Variants in RAB11FIP3 observed in about 807,000 individuals in gnomAD.
RAB11FIP3 encodes RAB11 family interacting protein 3.
RAB11FIP3 carries 17 observed loss-of-function variants against 77.8 expected under a neutral mutation model. That is an observed-to-expected ratio of 0.22 (90% CI 0.15 to 0.33). The LOEUF (loss-of-function observed/expected upper bound fraction) is 0.33, where lower values mean the gene tolerates loss of function less well. Ranked by LOEUF, RAB11FIP3 falls within the 10% of genes least tolerant of loss-of-function variation. RAB11FIP3 has a pLI of 1.00. For synonymous variants in RAB11FIP3, 437 were observed against 448.2 expected (o/e 0.98, Z 0.31); for missense variants, 1,005 against 1,011.2 (o/e 0.99, Z 0.08).
chr16:473,648 T>A (rs539119645), intron 3 of RAB11FIP3, among the ~76,000 whole-genome samples: 25 of 152,196 alleles, frequency 1.6e-4, no homozygotes, highest in African/African-American at 5.5e-4. Flanking sequence ...CCGTGTTGCC[T>A]AGGCTGCTCT....
At chr16:482,856 G>A in intron 4 of RAB11FIP3, 120 bp downstream of exon 4, 1 of 1,113,228 alleles carries the variant, frequency 9.0e-7, no homozygotes, top group Non-Finnish European at 1.3e-6. Flanking sequence ...ATTATGTGGG[G>A]GTGGGGCTTG....
intron 2 of RAB11FIP3, among the ~76,000 whole-genome samples, chr16:463,999 G>A (rs1211503044): frequency 6.6e-6 from 1 of 152,182 alleles, no homozygotes; most frequent in Non-Finnish European, 1.5e-5. Flanking sequence ...CTGACAACCA[G>A]GTAAAGACCA....
At chr16:465,682 T>C (rs566114247) in intron 2 of RAB11FIP3, among the ~76,000 whole-genome samples, 1 of 152,050 alleles carries the variant, frequency 6.6e-6, no homozygotes, top group South Asian at 2.1e-4. Flanking sequence ...TGATCTCGGC[T>C]CACTGCAACT....
intron 9 of RAB11FIP3, 46 bp downstream of exon 9, chr16:510,846 G>C: frequency 1.3e-6 from 2 of 1,595,200 alleles, no homozygotes; most frequent in South Asian, 1.1e-5. Context: ...CTGCAGGCCA[G>C]GTAGGAGACG....
intron 1 of RAB11FIP3, chr16:453,545 C>T (rs1439014601): frequency 1.3e-5 from 2 of 150,970 alleles, no homozygotes; most frequent in African/African-American, 4.9e-5. Flanking sequence ...CCCGGTTCCT[C>T]ATCATGGGTA....
At chr16:520,660 C>T in intron 13 of RAB11FIP3, 61 bp downstream of exon 13, 2 of 1,610,758 alleles carry the variant, frequency 1.2e-6, no homozygotes, top group Admixed American at 1.7e-5. Flanking sequence ...TGTCTGTGCG[C>T]TGTGGTTTAT....
At chr16:517,581 A>T (rs2032472330) in intron 9 of RAB11FIP3, among the ~76,000 whole-genome samples, 1 of 152,076 alleles carries the variant, frequency 6.6e-6, no homozygotes, top group African/African-American at 2.4e-5. Context: ...AAACAAATGC[A>T]GTGTGGTTGC....
At chr16:449,807 C>T (rs1162810470) in intron 1 of RAB11FIP3, among the ~76,000 whole-genome samples, 7 of 151,888 alleles carry the variant, frequency 4.6e-5, no homozygotes, top group African/African-American at 9.7e-5. Flanking sequence ...CAAAATTAGC[C>T]GTGCGTGATG....
At chr16:430,907 G>T (rs1232080911) in intron 1 of RAB11FIP3, among the ~76,000 whole-genome samples, 3 of 152,190 alleles carry the variant, frequency 2.0e-5, no homozygotes, top group Non-Finnish European at 4.4e-5. Flanking sequence ...GCATATTATT[G>T]AACTCCCAGG....
intron 3 of RAB11FIP3, among the ~76,000 whole-genome samples, chr16:479,077 A>G (rs773632829): frequency 6.6e-6 from 1 of 152,226 alleles, no homozygotes; most frequent in South Asian, 2.1e-4. Context: ...ACCTGGTCCT[A>G]TGCTAGATGC....
At chr16:452,468 T>C (rs1490780218) in intron 1 of RAB11FIP3, 1 of 151,944 alleles carries the variant, frequency 6.6e-6, no homozygotes, top group East Asian at 1.9e-4. Flanking sequence ...AGAGTCTTGC[T>C]CTGTTGCCCA....
At chr16:441,882 A>G (rs2055232959) in intron 1 of RAB11FIP3, among the ~76,000 whole-genome samples, 1 of 152,242 alleles carries the variant, frequency 6.6e-6, no homozygotes, top group African/African-American at 2.4e-5. Context: ...TCTCTCGTCC[A>G]GGCTGGAGTG....
chr16:481,539 C>G (rs533158176), intron 3 of RAB11FIP3, among the ~76,000 whole-genome samples: 1 of 152,038 alleles, frequency 6.6e-6, no homozygotes, highest in Non-Finnish European at 1.5e-5. Flanking sequence ...AAACAAAAAG[C>G]AAGCTCCTCC....
chr16:434,103 A>G (rs7191214), intron 1 of RAB11FIP3, among the ~76,000 whole-genome samples: 61,292 of 151,874 alleles, frequency 0.4, 12,605 homozygotes, highest in South Asian at 0.54. Context: ...CTGATATCAG[A>G]TGTATATTTA....
chr16:492,487 T>TTCCCGGGAGACCCGAGGCCGTCCAGGG (rs1555505329), intron 5 of RAB11FIP3, among the ~76,000 whole-genome samples: 1 of 24,136 alleles, frequency 4.1e-5, no homozygotes, highest in African/African-American at 2.1e-4. Context: ...CCCAGGGCCC[T>TTCCCGGGAGACCCGAGGCCGTCCAGGG]CCCGGGAGAC....
chr16:440,947 T>C (rs939177806), intron 1 of RAB11FIP3, among the ~76,000 whole-genome samples: 4 of 152,100 alleles, frequency 2.6e-5, no homozygotes, highest in Non-Finnish European at 4.4e-5. Context: ...TTTTCTTTTT[T>C]TTTTTTTTAT....
At chr16:519,623 C>T (rs956782397) in intron 10 of RAB11FIP3, 131 bp from the exon 11 acceptor site, 24 of 1,225,430 alleles carry the variant, frequency 2.0e-5, no homozygotes, top group Middle Eastern at 2.9e-4. Context: ...CCAGCCCTGT[C>T]GCGCTCCAAG....
intron 2 of RAB11FIP3, among the ~76,000 whole-genome samples, chr16:470,493 G>A (rs181136287): frequency 6.6e-6 from 1 of 152,358 alleles, no homozygotes; most frequent in Admixed American, 6.5e-5. Context: ...AAGGTATTAA[G>A]TAATGCTATT....
At chr16:436,345 T>C (rs1027860496) in intron 1 of RAB11FIP3, among the ~76,000 whole-genome samples, 7 of 152,166 alleles carry the variant, frequency 4.6e-5, no homozygotes, top group Non-Finnish European at 1.0e-4. Context: ...CAATTTGTTG[T>C]CTAGGCTGGA....
Sources: gnomAD v4.1 joint callset for allele counts (sites outside exome capture counted in the v4.1 genomes callset) on GRCh38, gnomAD v4.1.1 for gene constraint, MANE v1.5 for transcripts, NCBI Gene and HGNC (gene_info 2026-07-23, HGNC 2026-07-21) for gene names.